DNAJC3: variants seen among roughly 807,000 people sequenced by gnomAD.
DNAJC3 encodes the protein DnaJ heat shock protein family (Hsp40) member C3.
A neutral mutation model predicts 68.6 loss-of-function variants in DNAJC3; 38 were observed. The observed-to-expected ratio is 0.55, with a 90% confidence interval of 0.43 to 0.73. The LOEUF is 0.73. DNAJC3 is among the 30% of genes least tolerant of loss of function. The probability of loss-of-function intolerance (pLI) is 0.00; values close to 1 mark genes in which losing one functional copy is unlikely to be tolerated. For missense variants in DNAJC3, 526 were observed against 591.9 expected (o/e 0.89, Z 1.16); for synonymous variants, 203 against 204.0 (o/e 1.00, Z 0.04).
intron 11 of DNAJC3, 84 bp from the exon 12 acceptor site, chr13:95,790,788 CA>C: frequency 7.3e-7 from 1 of 1,378,352 alleles, no homozygotes; most frequent in Non-Finnish European, 9.9e-7. Context: ...CAAGCCCACC[CA>C]CCCTCCTCTG....
chr13:95,780,854 GCTAA>G (rs753718976), intron 9 of DNAJC3, among the ~76,000 whole-genome samples: 6 of 152,192 alleles, frequency 3.9e-5, no homozygotes, highest in Non-Finnish European at 7.3e-5. Flanking sequence ...GCGTCACAGT[GCTAA>G]CTATGGAAAT....
At chr13:95,749,003 G>T (rs899089226) in intron 4 of DNAJC3, among the ~76,000 whole-genome samples, 2 of 152,114 alleles carry the variant, frequency 1.3e-5, no homozygotes, top group Non-Finnish European at 2.9e-5. Flanking sequence ...TTTAATACTG[G>T]ATCACATACT....
At chr13:95,744,814 C>A (rs962235876) in intron 4 of DNAJC3, 2 of 152,114 alleles carry the variant, frequency 1.3e-5, no homozygotes, top group Non-Finnish European at 2.9e-5. Context: ...AAAATCAGTG[C>A]ATACAGTGCG....
intron 1 of DNAJC3, among the ~76,000 whole-genome samples, chr13:95,699,173 A>G (rs1418745751): frequency 1.3e-5 from 2 of 152,246 alleles, no homozygotes; most frequent in African/African-American, 2.4e-5. Flanking sequence ...CAAAAGAATA[A>G]TAATTAATTC....
intron 4 of DNAJC3, among the ~76,000 whole-genome samples, chr13:95,751,995 C>A (rs932660819): frequency 6.6e-6 from 1 of 152,216 alleles, no homozygotes; most frequent in Non-Finnish European, 1.5e-5. Context: ...CCACCAGGTC[C>A]CTCCCATGAC....
chr13:95,711,051 T>C lies in DNAJC3; in HGVS notation c.193+1714T>C, dbSNP rs997617319. On this transcript the variant is annotated intron_variant, in intron 2 of 11. Transcript: ENST00000602402. Reference sequence around the variant, plus strand: ...AAAAACTATCATCCTATTGTTGTAATTTACTATATAAACTCAATGTAGTTA... The same window carrying C: ...AAAAACTATCATCCTATTGTTGTAACTTACTATATAAACTCAATGTAGTTA... 2.6e-5 allele frequency among the ~76,000 whole-genome samples: 4 copies of C among 152,362 alleles called. No individual in the cohort carries two copies. In the East Asian group the frequency reaches 7.7e-4, roughly 29 times the overall value.
At chr13:95,704,246 ATT>A (rs1360889405) in intron 1 of DNAJC3, among the ~76,000 whole-genome samples, 1 of 152,132 alleles carries the variant, frequency 6.6e-6, no homozygotes, top group African/African-American at 2.4e-5. Flanking sequence ...AGAAACAGAA[ATT>A]TTGCAAGTGG....
Position 95,791,102 on chromosome 13 carries a change from ATG to A in DNAJC3, c.*73_*74del. 2 of 1,552,086 alleles carry A rather than the reference ATG, an allele frequency of 1.3e-6. No homozygotes were observed. The highest frequency in any genetic ancestry group is 2.0e-5 in the Admixed American group (1 of 50,678). On this transcript the variant is annotated 3_prime_UTR_variant, in exon 12 of 12. Transcript: ENST00000602402. ...AAAGAAATCTTGTTCCGGGACCCTA[ATG>A]AAAAAAAATTTCAAATCTTTTCAGT... is the stretch of plus-strand genomic sequence containing the variant.
rs1032983804 is a variant in DNAJC3 at position 95,759,987 on chromosome 13, A to G, written c.547-53A>G. ...GATAAAAAATACGTGGAATGCAACA[A>G]TGAATGTGCATAATTTATTCTTTCT... On this transcript the variant is annotated intron_variant, in intron 5 of 11. Transcript: ENST00000602402. The G allele has an allele frequency of 4.7e-6, 7 of 1,473,842 alleles. 1 individual carries two copies. The highest frequency in any genetic ancestry group is 1.8e-6 in the Non-Finnish European group (2 of 1,104,868). The allele number at this position is 1,473,842 out of a possible 1,614,324, so 91.3% of individuals were successfully genotyped here.
intron 4 of DNAJC3, among the ~76,000 whole-genome samples, chr13:95,734,609 T>C (rs1451606338): frequency 1.3e-5 from 2 of 152,178 alleles, no homozygotes; most frequent in Non-Finnish European, 2.9e-5. Flanking sequence ...TTAAGTAAGT[T>C]TTTTATCACT....
At chr13:95,708,093 A>G (rs1046303402) in intron 1 of DNAJC3, among the ~76,000 whole-genome samples, 1 of 152,124 alleles carries the variant, frequency 6.6e-6, no homozygotes, top group Non-Finnish European at 1.5e-5. Flanking sequence ...CATCCATACC[A>G]TGCAGCAGGA....
intron 1 of DNAJC3, among the ~76,000 whole-genome samples, chr13:95,690,894 C>G (rs377617091): frequency 8.1e-6 from 1 of 123,652 alleles, no homozygotes. Context: ...ACTTCCCAGA[C>G]GGGGCGGCTG....
chr13:95,734,976 C>G (rs1460799558), intron 4 of DNAJC3, among the ~76,000 whole-genome samples: 3 of 132,082 alleles, frequency 2.3e-5, no homozygotes, highest in Non-Finnish European at 3.2e-5. Flanking sequence ...CCCCTCCCCC[C>G]CACCCCACAA....
intron 4 of DNAJC3, among the ~76,000 whole-genome samples, chr13:95,755,094 G>A (rs1306384697): frequency 6.6e-6 from 1 of 152,094 alleles, no homozygotes; most frequent in African/African-American, 2.4e-5. Context: ...TCTACATGCA[G>A]GTGTAGAGAA....
intron 1 of DNAJC3, among the ~76,000 whole-genome samples, chr13:95,683,484 T>C (rs972926093): frequency 6.6e-6 from 1 of 152,226 alleles, no homozygotes; most frequent in Non-Finnish European, 1.5e-5. Flanking sequence ...CTCCCCCCTC[T>C]CTGTCTTCCT....
At chr13:95,787,206 C>A in intron 11 of DNAJC3, 51 bp downstream of exon 11, 1 of 1,576,582 alleles carries the variant, frequency 6.3e-7, no homozygotes, top group South Asian at 1.2e-5. Flanking sequence ...GTGTTAGAAG[C>A]GAGGGTGGAA....
chr13:95,787,621 G>A (rs1428404047), intron 11 of DNAJC3, among the ~76,000 whole-genome samples: 2 of 152,004 alleles, frequency 1.3e-5, no homozygotes, highest in Non-Finnish European at 2.9e-5. Context: ...TGTTCACCAG[G>A]AATCTTGCCC....
At chr13:95,745,160 TAATG>T (rs1882264865) in intron 4 of DNAJC3, 1 of 152,244 alleles carries the variant, frequency 6.6e-6, no homozygotes, top group African/African-American at 2.4e-5. Context: ...GCATACATAA[TAATG>T]TCAATTAAAT....
At position 95,691,051 on chromosome 13, in the gene DNAJC3, T is replaced by C. The variant is rs1880235904; in HGVS notation, c.82+13714T>C. Among the ~76,000 whole-genome samples the C allele has an allele frequency of 6.5e-5, 9 of 138,268 alleles. No homozygotes were observed. The South Asian group carries it at 2.1e-3, about 33-fold the overall frequency. 90.7% of individuals were successfully genotyped at this position (138,268 alleles called of 152,430 possible). On this transcript the variant is annotated intron_variant, in intron 1 of 11. Transcript: ENST00000602402. ...CCACCTCCCTCCTGGATGGAGCGGC[T>C]GGCCGGGCAGAGGGGCTCCTCACTT...
Sources: allele counts gnomAD v4.1 joint callset (sites outside exome capture counted in the v4.1 genomes callset), GRCh38; gene constraint gnomAD v4.1.1; transcripts MANE v1.5; gene names NCBI Gene and HGNC (gene_info 2026-07-23, HGNC 2026-07-21).